The following PRKDC variants were observed in gnomAD, a reference collection of about 807,000 sequenced individuals.
PRKDC encodes the protein DNA-dependent protein kinase catalytic subunit.
Under a neutral mutation model 486.9 loss-of-function variants are expected in PRKDC, and 82 were observed. The observed-to-expected ratio is 0.17, with a 90% CI of 0.14 to 0.20. The LOEUF (loss-of-function observed/expected upper bound fraction) is 0.20, where lower values mean the gene tolerates loss of function less well. Among genes scored for constraint, PRKDC ranks in the 10% least tolerant of loss-of-function variants. PRKDC has a pLI of 1.00. For synonymous variants in PRKDC, 1,895 were observed against 1,837.0 expected, an observed-to-expected ratio of 1.03 and a Z score of -0.81; for missense variants, 4,504 against 5,038.2, an observed-to-expected ratio of 0.89 and a Z score of 3.21.
intron 54 of PRKDC, among the ~76,000 whole-genome samples, chr8:47,846,859 T>G (rs1037025234): frequency 3.9e-5 from 6 of 152,098 alleles, no homozygotes; most frequent in Non-Finnish European, 5.9e-5. Context: ...TATACACCAA[T>G]AACATTACAG....
rs2090206025 is a variant in PRKDC at position 47,929,067 on chromosome 8, CTAAGA to C, written c.2139+20_2139+24del. 1.4e-6 allele frequency: 2 copies of C among 1,420,044 alleles called. No individual in the cohort carries two copies. The highest frequency in any genetic ancestry group is 2.0e-5 in the Admixed American group (1 of 50,464). 88.0% of individuals were successfully genotyped at this position (1,420,044 alleles called of 1,614,324 possible). On this transcript the variant is annotated intron_variant, in intron 19 of 85. Transcript: ENST00000314191. ...CATTTAAAAACAGTTCATGATAACA[CTAAGA>C]TAAATCATTTAAAAATTACCTCTTT...
chr8:47,927,282 T>C lies in PRKDC; in HGVS notation c.2331A>G (p.Ser777=), dbSNP rs767111529. The change falls in exon 21 of 86, where the codon TCA becomes TCG. Residue 777 remains serine, a synonymous_variant. Coordinates refer to ENST00000314191, the MANE Select transcript of PRKDC (RefSeq NM_006904.7). ...GCATTACATGTCTGTCAATATAAATTGACCATTCTTCTAGAGCATTCAGGC... is the reference window on the plus strand; with the variant it reads ...GCATTACATGTCTGTCAATATAAATCGACCATTCTTCTAGAGCATTCAGGC... ...EVGLNALEEW[S]IYIDRHVMQP... 4.3e-6 allele frequency: 7 copies of C among 1,613,748 alleles called. No homozygotes were observed. In the South Asian group the frequency reaches 7.7e-5, roughly 18 times the overall value.
chr8:47,936,241 T>C, intron 12 of PRKDC, 112 bp downstream of exon 12: 1 of 1,218,104 alleles, frequency 8.2e-7, no homozygotes, highest in Non-Finnish European at 1.1e-6. Flanking sequence ...TAACTAAAAC[T>C]GTCATGTTGT....
At chr8:47,818,369 G>T (rs2087498000) in intron 67 of PRKDC, among the ~76,000 whole-genome samples, 1 of 151,936 alleles carries the variant, frequency 6.6e-6, no homozygotes, top group Non-Finnish European at 1.5e-5. Flanking sequence ...CACGAGGTCA[G>T]GAGATCGAGA....
intron 10 of PRKDC, among the ~76,000 whole-genome samples, chr8:47,942,395 A>C (rs2090459205): frequency 6.6e-6 from 1 of 152,204 alleles, no homozygotes; most frequent in Non-Finnish European, 1.5e-5. Flanking sequence ...CAGAGGCCAA[A>C]GATGAGGCCC....
At chr8:47,830,360 CGATA>C (rs1190131575) in intron 61 of PRKDC, among the ~76,000 whole-genome samples, 2 of 152,102 alleles carry the variant, frequency 1.3e-5, no homozygotes, top group Non-Finnish European at 2.9e-5. Context: ...TGATAAATAA[CGATA>C]AATAACGTCT....
chr8:47,840,729 T>C (rs1310348574), intron 54 of PRKDC, among the ~76,000 whole-genome samples: 2 of 152,230 alleles, frequency 1.3e-5, no homozygotes, highest in Non-Finnish European at 2.9e-5. Context: ...TATTTCCTTA[T>C]TTTGACTCCT....
At chr8:47,888,965 G>A (rs779036000) in intron 33 of PRKDC, 49 bp downstream of exon 33, 1 of 1,551,654 alleles carries the variant, frequency 6.4e-7, no homozygotes, top group Non-Finnish European at 8.9e-7. Flanking sequence ...ACATACTAGG[G>A]CCTGAAATTC....
intron 40 of PRKDC, among the ~76,000 whole-genome samples, chr8:47,868,501 C>T (rs1287893732): frequency 1.3e-5 from 2 of 151,998 alleles, no homozygotes; most frequent in Non-Finnish European, 2.9e-5. Context: ...GAAGTCAAGG[C>T]TGCAGTGAGC....
chr8:47,896,594 C>G (rs12548467), intron 30 of PRKDC, among the ~76,000 whole-genome samples: 3 of 149,534 alleles, frequency 2.0e-5, no homozygotes, highest in African/African-American at 7.4e-5. Context: ...TTGCAGTGAG[C>G]TGAGATAGCG....
chr8:47,910,017 C>T (rs1314380841), intron 25 of PRKDC, among the ~76,000 whole-genome samples: 1 of 152,156 alleles, frequency 6.6e-6, no homozygotes, highest in Admixed American at 6.6e-5. Flanking sequence ...AGTTCATATA[C>T]CCGCTCCTCT....
intron 40 of PRKDC, among the ~76,000 whole-genome samples, chr8:47,865,648 T>C (rs540941413): frequency 5.9e-5 from 9 of 152,252 alleles, no homozygotes; most frequent in African/African-American, 2.2e-4. Flanking sequence ...TGAAGTTAGA[T>C]AACCAGGTCA....
chr8:47,854,395 T>G (rs189664369), intron 50 of PRKDC, among the ~76,000 whole-genome samples, 181 bp from the exon 51 acceptor site: 260 of 152,210 alleles, frequency 1.7e-3, no homozygotes, highest in Middle Eastern at 0.01. Flanking sequence ...TGGAGTGCAG[T>G]TGGCATGATC....
chr8:47,898,222 T>C (rs1449061945), intron 29 of PRKDC, among the ~76,000 whole-genome samples: 4 of 152,222 alleles, frequency 2.6e-5, no homozygotes, highest in Non-Finnish European at 4.4e-5. Flanking sequence ...GTTACAAAAC[T>C]AATTTTCAAT....
At chr8:47,809,292 C>A (rs921568861) in intron 68 of PRKDC, among the ~76,000 whole-genome samples, 13 of 152,148 alleles carry the variant, frequency 8.5e-5, no homozygotes, top group Admixed American at 5.9e-4. Context: ...GCTCCTCATC[C>A]CCACACCAAC....
Position 47,864,628 on chromosome 8 carries a change from C to G in PRKDC, c.5499G>C (p.Leu1833=). The G allele has an allele frequency of 6.2e-7, 1 of 1,609,672 alleles. No homozygotes were observed. Residue 1833 remains leucine, a synonymous_variant, in exon 41 of 86, where the codon CTG becomes CTC. Coordinates refer to ENST00000314191, the MANE Select transcript of PRKDC (RefSeq NM_006904.7). ...SLLTLLWHCS[L]DALREFFSTI... The stretch of plus-strand genomic sequence containing the variant: ...TGCTGAAGAATTCTCTCAAAGCATC[C>G]AGGCTACAGTGCCACAGCAGAGTGA...
intron 56 of PRKDC, among the ~76,000 whole-genome samples, chr8:47,838,860 T>C (rs1278595522): frequency 6.6e-6 from 1 of 152,240 alleles, no homozygotes; most frequent in African/African-American, 2.4e-5. Context: ...AGAATTGTCA[T>C]TACAGACTTT....
intron 21 of PRKDC, among the ~76,000 whole-genome samples, chr8:47,921,655 G>A (rs891796831): frequency 6.6e-6 from 1 of 152,030 alleles, no homozygotes; most frequent in African/African-American, 2.4e-5. Context: ...ACATACTGCT[G>A]GTGTGTAAGG....
rs369274149 is a variant in PRKDC, at chr8:47,776,904, C to T, written c.12122G>A (p.Arg4041Gln). The T allele has an allele frequency of 2.7e-5, 44 of 1,613,762 alleles. No homozygotes were observed. Among genetic ancestry groups the T allele is most frequent in the South Asian group, 6.6e-5 (6 of 91,068 alleles). ...INVAEKNWYP[R>Q]QKICYAKRKL... The stretch of plus-strand genomic sequence containing the variant: ...TCTCTTAGCGTAACATATTTTCTGT[C>T]GGGGGTACCAATTTTTTTCAGCAAC... The change falls in exon 85 of 86, where the codon CGA (arginine) becomes CAA (glutamine). Residue 4041 changes from arginine to glutamine, a missense_variant. Physicochemically the swap from Arg to Gln is conservative, Grantham distance 43. Transcript: ENST00000314191.
Sources: gnomAD v4.1 joint callset for allele counts (sites outside exome capture counted in the v4.1 genomes callset) on GRCh38, gnomAD v4.1.1 for gene constraint, MANE v1.5 for transcripts, NCBI Gene and HGNC (gene_info 2026-07-23, HGNC 2026-07-21) for gene names.